Variants in ATP11A observed in about 807,000 individuals in gnomAD.
ATP11A encodes the protein ATPase phospholipid transporting 11A.
ATP11A carries 81 observed loss-of-function variants against 154.4 expected under a neutral mutation model. That is an observed-to-expected ratio of 0.52 (90% CI 0.44 to 0.63). The LOEUF (loss-of-function observed/expected upper bound fraction) is 0.63, where lower values mean the gene tolerates loss of function less well. Ranked by LOEUF, ATP11A falls within the 30% of genes least tolerant of loss-of-function variation. ATP11A has a pLI of 0.00. For missense variants in ATP11A, 1,316 were observed against 1,474.3 expected (o/e 0.89, Z 1.76); for synonymous variants, 623 against 585.9 (o/e 1.06, Z -0.91).
intron 17 of ATP11A, among the ~76,000 whole-genome samples, chr13:112,842,744 A>G (rs1200186280): frequency 6.6e-6 from 1 of 152,200 alleles, no homozygotes; most frequent in Admixed American, 6.5e-5. Context: ...GTTTCTAGTG[A>G]TTTGCTTCAA....
chr13:112,833,146 G>T, intron 14 of ATP11A, 123 bp downstream of exon 14: 5 of 1,274,614 alleles, frequency 3.9e-6, no homozygotes, highest in Non-Finnish European at 5.3e-6. Flanking sequence ...ACACTGAGCT[G>T]TGCTGCCTTT....
At chr13:112,726,436 C>A (rs138767688) in intron 1 of ATP11A, among the ~76,000 whole-genome samples, 2 of 151,908 alleles carry the variant, frequency 1.3e-5, no homozygotes, top group Non-Finnish European at 2.9e-5. Flanking sequence ...GGAGAATGGC[C>A]GGGGGCAGTT....
At chr13:112,798,768 G>A (rs1023742421) in intron 2 of ATP11A, among the ~76,000 whole-genome samples, 1 of 152,154 alleles carries the variant, frequency 6.6e-6, no homozygotes, top group Admixed American at 6.6e-5. Flanking sequence ...AAGAAACAAA[G>A]ACTATGAAGA....
chr13:112,780,622 C>CACAAA (rs2077474748), intron 1 of ATP11A, among the ~76,000 whole-genome samples: 1 of 152,174 alleles, frequency 6.6e-6, no homozygotes, highest in Admixed American at 6.5e-5. Context: ...CCAGGAGTCG[C>CACAAA]TCGAGATGTT....
At chr13:112,702,119 G>A (rs916828438) in intron 1 of ATP11A, among the ~76,000 whole-genome samples, 26 of 152,162 alleles carry the variant, frequency 1.7e-4, no homozygotes, top group African/African-American at 5.8e-4. Flanking sequence ...GCCGAGGCGG[G>A]TGGATCACCT....
intron 4 of ATP11A, among the ~76,000 whole-genome samples, chr13:112,810,008 G>C (rs898030447): frequency 1.3e-5 from 2 of 152,192 alleles, no homozygotes; most frequent in African/African-American, 4.8e-5. Flanking sequence ...AGTCACGATG[G>C]GATGTTTCCC....
chr13:112,785,989 AC>A lies in ATP11A; in HGVS notation c.162+733del, dbSNP rs2077616648. On this transcript the variant is annotated intron_variant, in intron 2 of 29. Coordinates refer to ENST00000375645, the MANE Select transcript of ATP11A (RefSeq NM_015205.3). This position sits in a 1 kb window ranked among gnomAD's most constrained non-coding sequence, Gnocchi z 4.8. ...CCTTCAAAATGGATGAGCTAAACCC[AC>A]GCACACGCGTGGACGGGCTGCACAT... is the stretch of plus-strand genomic sequence containing the variant. Among the ~76,000 whole-genome samples the A allele has an allele frequency of 7.4e-6, 1 of 135,122 alleles. No individual in the cohort carries two copies. Among genetic ancestry groups the A allele is most frequent in the Non-Finnish European group, 1.6e-5 (1 of 62,196 alleles). 88.6% of individuals were successfully genotyped at this position (135,122 alleles called of 152,430 possible).
intron 13 of ATP11A, 82 bp downstream of exon 13, chr13:112,831,630 T>G: frequency 1.3e-6 from 2 of 1,491,728 alleles, no homozygotes; most frequent in Non-Finnish European, 1.8e-6. Context: ...TTCACTCGAG[T>G]GTCCAGGAAA....
chr13:112,834,368 T>A (rs1272290390), intron 14 of ATP11A, among the ~76,000 whole-genome samples: 1 of 152,226 alleles, frequency 6.6e-6, no homozygotes, highest in Non-Finnish European at 1.5e-5. Context: ...CAAGGAGGGT[T>A]GGGTTGGGTA....
In ATP11A at chr13:112,854,207, G is replaced by A. The variant is rs1169644961; in HGVS notation, c.1992-72G>A. ...TATTTTGACAGCTTTGCAAGTTTCT[G>A]CAGTTCCTTATTTGGATTCCTGGGT... On this transcript the variant is annotated intron_variant, in intron 18 of 29. Coordinates refer to ENST00000375645, the MANE Select transcript of ATP11A (RefSeq NM_015205.3). 5.2e-6 allele frequency: 8 copies of A among 1,537,840 alleles called. No homozygotes were observed. In the Admixed American group the frequency reaches 9.9e-5, roughly 19 times the overall value.
chr13:112,860,559 C>A, intron 24 of ATP11A, 145 bp downstream of exon 24: 4 of 907,078 alleles, frequency 4.4e-6, no homozygotes, highest in East Asian at 2.6e-5. Context: ...TGATCAGGAG[C>A]TTGTTTAAAC....
chr13:112,718,460 C>A (rs1030766186), intron 1 of ATP11A, among the ~76,000 whole-genome samples: 1 of 152,148 alleles, frequency 6.6e-6, no homozygotes, highest in Admixed American at 6.5e-5. Flanking sequence ...TGCCGCCTGC[C>A]GCAAGTTTCA....
Position 112,883,484 on chromosome 13 carries a change from G to T in ATP11A, c.*1618G>T. On this transcript the variant is annotated 3_prime_UTR_variant, in exon 30 of 30. Coordinates refer to ENST00000375645, the MANE Select transcript of ATP11A (RefSeq NM_015205.3). Reference sequence around the variant, plus strand: ...GGGGCTCCGGCAAGTGAAACCCAGAGGGTGTTTCCGAGGTGCTCGACAGTA... The same window carrying T: ...GGGGCTCCGGCAAGTGAAACCCAGATGGTGTTTCCGAGGTGCTCGACAGTA... 3.0e-6 allele frequency: 1 copy of T among 333,692 alleles called. No homozygotes were observed. The highest frequency in any genetic ancestry group is 4.8e-5 in the Admixed American group (1 of 20,634). The allele number at this position is 333,692 out of a possible 1,614,324, so 20.7% of individuals were successfully genotyped here. A position where few individuals can be genotyped will look rare whatever the true frequency, so the allele number is the denominator to read the frequency against.
Position 112,860,314 on chromosome 13 carries a change from C to T in ATP11A, c.2755C>T (p.Leu919Phe), listed in dbSNP as rs764529464. 1.2e-6 allele frequency: 2 copies of T among 1,614,068 alleles called. No homozygotes were observed. Among genetic ancestry groups the T allele is most frequent in the Admixed American group, 1.7e-5 (1 of 60,004 alleles). Reference protein sequence around the residue: ...QTLYDTAYLTLYNISFTSLPI... With the variant: ...QTLYDTAYLTFYNISFTSLPI... ...TTTGTACGACACCGCGTATCTGACC[C>T]TCTACAACATCAGCTTCACCTCCCT... Residue 919 changes from leucine to phenylalanine, a missense_variant, in exon 24 of 30, where the codon CTC becomes TTC. Physicochemically the swap from Leu to Phe is conservative, Grantham distance 22 (BLOSUM62 0). Transcript: ENST00000375645.
chr13:112,761,529 G>A (rs896503423), intron 1 of ATP11A, among the ~76,000 whole-genome samples: 2 of 152,066 alleles, frequency 1.3e-5, no homozygotes, highest in East Asian at 1.9e-4. Flanking sequence ...CATAGGATTC[G>A]GTACTCTATT....
intron 29 of ATP11A, chr13:112,880,890 C>T (rs1296592281): frequency 4.9e-6 from 5 of 1,010,834 alleles, no homozygotes; most frequent in South Asian, 3.7e-5. Flanking sequence ...ACGCACGGCA[C>T]ACAGCCTGAC....
At chr13:112,757,891 T>C (rs1354858807) in intron 1 of ATP11A, among the ~76,000 whole-genome samples, 2 of 152,150 alleles carry the variant, frequency 1.3e-5, no homozygotes, top group Non-Finnish European at 2.9e-5. Flanking sequence ...AGTGAGTGGC[T>C]TTAGGTCTGC....
intron 5 of ATP11A, chr13:112,811,897 C>T (rs1014321794): frequency 1.2e-4 from 18 of 152,198 alleles, no homozygotes; most frequent in African/African-American, 2.9e-4. Flanking sequence ...TAAGCCACCG[C>T]ATCCGGCCAA....
chr13:112,715,826 C>T (rs410948), intron 1 of ATP11A, among the ~76,000 whole-genome samples: 115,304 of 151,556 alleles, frequency 0.76, 46,160 homozygotes, highest in East Asian at 0.93. Context: ...AGCCCTGTTG[C>T]TCACACCTCT....
Sources: gnomAD v4.1 joint callset for allele counts (sites outside exome capture counted in the v4.1 genomes callset) on GRCh38, gnomAD v4.1.1 for gene constraint, Gnocchi (gnomAD v3.1) non-coding constraint, MANE v1.5 for transcripts, NCBI Gene and HGNC (gene_info 2026-07-23, HGNC 2026-07-21) for gene names.